The following PTH2R variants were observed in gnomAD, a reference collection of about 807,000 sequenced individuals.
PTH2R encodes parathyroid hormone 2 receptor.
Under a neutral mutation model 60.3 loss-of-function variants are expected in PTH2R, and 59 were observed. That is an observed-to-expected ratio of 0.98 (90% CI 0.79 to 1.22). The LOEUF is 1.22. Ranked by LOEUF, PTH2R falls within the 50% of genes most tolerant of loss-of-function variation. The pLI is 0.00. For synonymous variants in PTH2R, 256 were observed against 243.8 expected (o/e 1.05, Z -0.47); for missense variants, 749 against 682.6 (o/e 1.10, Z -1.08).
intron 1 of PTH2R, among the ~76,000 whole-genome samples, chr2:208,421,419 G>A (rs1014885609): frequency 2.6e-5 from 4 of 151,722 alleles, no homozygotes; most frequent in Non-Finnish European, 5.9e-5. Context: ...GCTTCCTTGT[G>A]TGTGTTTGTA....
intron 1 of PTH2R, among the ~76,000 whole-genome samples, chr2:208,415,763 A>T (rs1158382329): frequency 1.3e-5 from 2 of 152,204 alleles, no homozygotes; most frequent in African/African-American, 2.4e-5. Flanking sequence ...AAAATTTAAG[A>T]TGAGATATCA....
chr2:208,373,114 A>G (rs6728530), intron 1 of PTH2R, among the ~76,000 whole-genome samples: 73,403 of 151,870 alleles, frequency 0.48, 18,920 homozygotes, highest in Admixed American at 0.57. Context: ...ATGAAAACTT[A>G]TATTCTATAA....
chr2:208,386,171 C>G (rs116042092), intron 1 of PTH2R, among the ~76,000 whole-genome samples: 1,570 of 152,300 alleles, frequency 0.01, 25 homozygotes, highest in African/African-American at 0.036. Flanking sequence ...TAGACTTGTG[C>G]TCATCATCAT....
chr2:208,450,107 G>A (rs932564642), intron 7 of PTH2R, among the ~76,000 whole-genome samples: 3 of 152,184 alleles, frequency 2.0e-5, no homozygotes, highest in Admixed American at 6.5e-5. Flanking sequence ...CGGTATAATG[G>A]ATTTGATGTT....
At chr2:208,395,257 C>T (rs1007773317) in intron 1 of PTH2R, among the ~76,000 whole-genome samples, 1 of 151,984 alleles carries the variant, frequency 6.6e-6, no homozygotes, top group African/African-American at 2.4e-5. Flanking sequence ...CCATGTTAAC[C>T]AGGATGGTCT....
chr2:208,474,200 G>A (rs917021239), intron 9 of PTH2R, among the ~76,000 whole-genome samples: 1 of 152,192 alleles, frequency 6.6e-6, no homozygotes, highest in Non-Finnish European at 1.5e-5. Context: ...AGGGTTATTA[G>A]GAGGACTATG....
chr2:208,400,744 T>G (rs1230958923), intron 1 of PTH2R, among the ~76,000 whole-genome samples: 1 of 152,232 alleles, frequency 6.6e-6, no homozygotes, highest in Admixed American at 6.5e-5. Context: ...ATATAATTGC[T>G]AAAATAGTCT....
At chr2:208,470,493 A>C (rs185464373) in intron 9 of PTH2R, among the ~76,000 whole-genome samples, 2 of 152,176 alleles carry the variant, frequency 1.3e-5, no homozygotes, top group African/African-American at 4.8e-5. Context: ...TTCTCGTGAT[A>C]GTGAATTTGT....
intron 2 of PTH2R, among the ~76,000 whole-genome samples, chr2:208,436,342 A>G (rs1470357380): frequency 2.6e-5 from 4 of 152,204 alleles, no homozygotes; most frequent in Non-Finnish European, 5.9e-5. Flanking sequence ...TTCAGGCATT[A>G]TAAAAACTTA....
In PTH2R at chr2:208,489,157, G is replaced by C. The variant is rs776618388; in HGVS notation, c.1215+7G>C. The C allele has an allele frequency of 2.8e-5, 45 of 1,613,582 alleles. No individual in the cohort carries two copies. The highest frequency in any genetic ancestry group is 4.0e-5 in the African/African-American group (3 of 74,840). Reference sequence around the variant, plus strand: ...CTTCTTCAACTCCTTTCAGGTAAAGGGTGCTGCCTAGTCATCTGATTCTTG... The same window carrying C: ...CTTCTTCAACTCCTTTCAGGTAAAGCGTGCTGCCTAGTCATCTGATTCTTG... On this transcript the variant is annotated splice_region_variant and intron_variant, in intron 11 of 12. Coordinates refer to ENST00000272847, the MANE Select transcript of PTH2R (RefSeq NM_005048.4).
At chr2:208,471,958 T>C (rs1167171537) in intron 9 of PTH2R, among the ~76,000 whole-genome samples, 2 of 152,242 alleles carry the variant, frequency 1.3e-5, no homozygotes, top group East Asian at 1.9e-4. Flanking sequence ...GGATGTCATT[T>C]TGGAGCTTTA....
intron 1 of PTH2R, among the ~76,000 whole-genome samples, chr2:208,397,768 C>T (rs762953224): frequency 1.3e-5 from 2 of 152,122 alleles, no homozygotes; most frequent in Non-Finnish European, 2.9e-5. Flanking sequence ...TGAAGGGCAC[C>T]ATGATGTTCT....
intron 1 of PTH2R, among the ~76,000 whole-genome samples, chr2:208,393,622 TCTG>T (rs1701150254): frequency 6.6e-6 from 1 of 152,336 alleles, no homozygotes. Context: ...TCCGTATTTT[TCTG>T]CTGCCTGCAG....
chr2:208,461,792 C>T lies in PTH2R; in HGVS notation c.981+1831C>T, dbSNP rs577355523. On this transcript the variant is annotated intron_variant, in intron 9 of 12. Coordinates refer to ENST00000272847, the MANE Select transcript of PTH2R (RefSeq NM_005048.4). ...TACAGATCTAAGTCACTCACATCAT[C>T]ACCATGGATGAAAAATTTATTTTCT... Among the ~76,000 whole-genome samples the T allele has an allele frequency of 2.4e-4, 36 of 152,278 alleles. 1 individual carries two copies. The highest frequency in any genetic ancestry group is 7.7e-4 in the African/African-American group (32 of 41,572).
Position 208,366,111 on chromosome 2 carries a change from C to T in PTH2R, c.-259+5874C>T, listed in dbSNP as rs548962262. Among the ~76,000 whole-genome samples the T allele has an allele frequency of 1.7e-4, 26 of 149,850 alleles. No homozygotes were observed. In the South Asian group the frequency reaches 5.3e-3, roughly 30 times the overall value. On this transcript the variant is annotated intron_variant, in intron 1 of 12. Transcript: ENST00000617735. ...CTGGGATTACAGGCATGAGCCACCA[C>T]GTCTGGCCAGTGTTAATTCTTCAAT...
At chr2:208,400,419 C>CTTT (rs1701286511) in intron 1 of PTH2R, among the ~76,000 whole-genome samples, 1 of 152,160 alleles carries the variant, frequency 6.6e-6, no homozygotes, top group Non-Finnish European at 1.5e-5. Context: ...AAGGATATGT[C>CTTT]CTTCGGTGGA....
At chr2:208,452,498 ATT>A (rs1702426488) in intron 8 of PTH2R, among the ~76,000 whole-genome samples, 1 of 152,236 alleles carries the variant, frequency 6.6e-6, no homozygotes, top group Non-Finnish European at 1.5e-5. Context: ...TAATATTTTG[ATT>A]TTTATCCCGT....
chr2:208,459,134 A>G (rs895743543), intron 8 of PTH2R, among the ~76,000 whole-genome samples: 3 of 152,026 alleles, frequency 2.0e-5, no homozygotes, highest in Admixed American at 6.6e-5. Flanking sequence ...TTGACTTTTT[A>G]GTAGTAGCCA....
At chr2:208,459,642 T>A (rs965576798) in intron 8 of PTH2R, among the ~76,000 whole-genome samples, 1 of 152,146 alleles carries the variant, frequency 6.6e-6, no homozygotes, top group Non-Finnish European at 1.5e-5. Context: ...TTGACTCTCG[T>A]CACAATAAAA....
Sources: gnomAD v4.1 joint callset for allele counts (sites outside exome capture counted in the v4.1 genomes callset) on GRCh38, gnomAD v4.1.1 for gene constraint, MANE v1.5 for transcripts, NCBI Gene and HGNC (gene_info 2026-07-23, HGNC 2026-07-21) for gene names.